ATXN1: variants seen among roughly 807,000 people sequenced by gnomAD.
ATXN1 encodes ataxin-1.
A neutral mutation model predicts 56.4 loss-of-function variants in ATXN1; 8 were observed. The ratio of observed to expected loss-of-function variants is 0.14; its 90% CI spans 0.08 to 0.26. ATXN1 has a LOEUF of 0.26. Among genes scored for constraint, ATXN1 ranks in the 10% least tolerant of loss-of-function variants. The pLI is 1.00. For synonymous variants in ATXN1, 514 were observed against 494.6 expected (o/e 1.04, Z -0.52); for missense variants, 987 against 1,106.5 (o/e 0.89, Z 1.53).
intron 4 of ATXN1, among the ~76,000 whole-genome samples, chr6:16,527,956 A>T (rs1259565461): frequency 6.6e-6 from 1 of 152,138 alleles, no homozygotes; most frequent in Non-Finnish European, 1.5e-5. Context: ...ATGAGTGAGC[A>T]TTAGATGGTC....
chr6:16,746,441 TA>T (rs1171752688), intron 2 of ATXN1, among the ~76,000 whole-genome samples: 14 of 152,286 alleles, frequency 9.2e-5, no homozygotes, highest in African/African-American at 4.8e-5. Context: ...CACCTGCAGG[TA>T]AAACCAAATG....
rs1376164881 is a variant in ATXN1 at position 16,597,934 on chromosome 6, A to T, written c.-488-12027T>A. 4.4e-5 allele frequency among the ~76,000 whole-genome samples: 5 copies of T among 113,686 alleles called. No individual in the cohort carries two copies. The East Asian group carries it at 8.0e-4, about 18-fold the overall frequency. The allele number at this position is 113,686 out of a possible 152,430, so 74.6% of individuals were successfully genotyped here. On this transcript the variant is annotated intron_variant, in intron 3 of 7. Coordinates refer to ENST00000436367, the MANE Select transcript of ATXN1 (RefSeq NM_001128164.2). ...AGGAGAAGCCAACAGTCTAGGATTT[A>T]AAAAAAAAAAGAAGCTGAGTCTGCC...
chr6:16,665,428 C>A (rs1028890819), intron 2 of ATXN1, among the ~76,000 whole-genome samples: 2 of 151,526 alleles, frequency 1.3e-5, no homozygotes, highest in African/African-American at 4.9e-5. Flanking sequence ...CATATAGCCT[C>A]TGAAAAACTC....
rs1223716226 is a variant in ATXN1, at chr6:16,760,033, C to G, written c.-730+1265G>C. Among the ~76,000 whole-genome samples the G allele has an allele frequency of 6.6e-6, 1 of 152,008 alleles. No homozygotes were observed. The highest frequency in any genetic ancestry group is 2.4e-5 in the African/African-American group (1 of 41,404). ...TCACTCACACACTCACTCACACTCA[C>G]GCCGCGCTCCGACACCGCCTCACCT... On this transcript the variant is annotated intron_variant, in intron 1 of 7. Transcript: ENST00000436367. The surrounding 1 kb of genome is among the most constrained non-coding windows in gnomAD (Gnocchi z 5.3).
chr6:16,721,635 T>A (rs1307068594), intron 2 of ATXN1, among the ~76,000 whole-genome samples: 2 of 152,036 alleles, frequency 1.3e-5, no homozygotes, highest in African/African-American at 2.4e-5. Context: ...TCTTAAAAAA[T>A]AAATAAATAA....
intron 3 of ATXN1, among the ~76,000 whole-genome samples, chr6:16,613,854 A>G (rs945655527): frequency 1.3e-5 from 2 of 152,138 alleles, no homozygotes; most frequent in African/African-American, 4.8e-5. Context: ...TATAAATAGA[A>G]ATGACAAATT....
chr6:16,335,193 C>G (rs1359942350), intron 6 of ATXN1, among the ~76,000 whole-genome samples: 1 of 152,230 alleles, frequency 6.6e-6, no homozygotes, highest in Non-Finnish European at 1.5e-5. Flanking sequence ...TTGCTGTGTC[C>G]TCAGTGGAAA....
intron 4 of ATXN1, among the ~76,000 whole-genome samples, chr6:16,565,517 G>T (rs950470424): frequency 2.0e-5 from 3 of 152,052 alleles, no homozygotes; most frequent in Non-Finnish European, 4.4e-5. Flanking sequence ...GAACGTTGAG[G>T]TTAAAAAAAT....
intron 4 of ATXN1, among the ~76,000 whole-genome samples, chr6:16,532,745 G>T (rs1761529382): frequency 6.6e-6 from 1 of 152,070 alleles, no homozygotes; most frequent in African/African-American, 2.4e-5. Context: ...ACAAATGTTG[G>T]CAAGGATGTG....
chr6:16,377,119 G>C (rs1762155636), intron 6 of ATXN1, among the ~76,000 whole-genome samples: 1 of 152,182 alleles, frequency 6.6e-6, no homozygotes, highest in Non-Finnish European at 1.5e-5. Flanking sequence ...ACACCAAGAA[G>C]GTGTCATCTA....
intron 6 of ATXN1, among the ~76,000 whole-genome samples, chr6:16,396,269 A>T (rs1758457893): frequency 1.3e-5 from 2 of 150,760 alleles, no homozygotes; most frequent in African/African-American, 5.0e-5. Flanking sequence ...TAAAAAAAAA[A>T]AACTTTTTTT....
intron 4 of ATXN1, among the ~76,000 whole-genome samples, chr6:16,529,783 T>C (rs1761466725): frequency 6.6e-6 from 1 of 152,198 alleles, no homozygotes; most frequent in African/African-American, 2.4e-5. Flanking sequence ...TATGGCATGA[T>C]GTACATGTCT....
At chr6:16,613,203 T>C (rs1157198634) in intron 3 of ATXN1, among the ~76,000 whole-genome samples, 14 of 139,856 alleles carry the variant, frequency 1.0e-4, no homozygotes, top group Non-Finnish European at 1.8e-4. Flanking sequence ...AAGCGGAGCT[T>C]GCAGTGAGCC....
intron 6 of ATXN1, among the ~76,000 whole-genome samples, chr6:16,408,891 C>T (rs926789292): frequency 2.0e-5 from 3 of 152,138 alleles, no homozygotes; most frequent in African/African-American, 7.2e-5. Flanking sequence ...CATGGATGAG[C>T]CATCATGCTT....
At chr6:16,457,880 T>C (rs530359870) in intron 6 of ATXN1, among the ~76,000 whole-genome samples, 10 of 152,272 alleles carry the variant, frequency 6.6e-5, no homozygotes, top group African/African-American at 2.4e-4. Context: ...CAGTTATGTC[T>C]CCTTTAAGCT....
At chr6:16,755,414 T>C (rs1270323985) in intron 1 of ATXN1, among the ~76,000 whole-genome samples, 2 of 152,078 alleles carry the variant, frequency 1.3e-5, no homozygotes, top group Non-Finnish European at 2.9e-5. Context: ...AATGGAATAC[T>C]CAATATTTTT....
At chr6:16,562,954 A>C (rs187161268) in intron 4 of ATXN1, among the ~76,000 whole-genome samples, 14 of 151,872 alleles carry the variant, frequency 9.2e-5, no homozygotes, top group African/African-American at 3.4e-4. Flanking sequence ...TAGGTGACAA[A>C]GCCTCAGAGA....
chr6:16,568,952 A>C (rs236950), intron 4 of ATXN1, among the ~76,000 whole-genome samples: 91,892 of 151,886 alleles, frequency 0.61, 27,950 homozygotes, highest in East Asian at 0.73. Flanking sequence ...GGAGGACTGG[A>C]TAATTTCAGG....
intron 2 of ATXN1, among the ~76,000 whole-genome samples, chr6:16,672,659 C>A (rs146432662): frequency 2.0e-5 from 3 of 152,262 alleles, no homozygotes; most frequent in African/African-American, 7.2e-5. Context: ...CAGAGAGATG[C>A]AACATTGATG....
Sources: gnomAD v4.1 joint callset for allele counts (sites outside exome capture counted in the v4.1 genomes callset) on GRCh38, gnomAD v4.1.1 for gene constraint, Gnocchi (gnomAD v3.1) non-coding constraint, MANE v1.5 for transcripts, NCBI Gene and HGNC (gene_info 2026-07-23, HGNC 2026-07-21) for gene names.